The following NCKAP5 variants were observed in gnomAD, a reference collection of about 807,000 sequenced individuals.
NCKAP5 encodes the protein NCK associated protein 5.
A neutral mutation model predicts 167.0 loss-of-function variants in NCKAP5; 92 were observed. The ratio of observed to expected loss-of-function variants is 0.55; its 90% CI spans 0.47 to 0.66. The LOEUF is 0.66. NCKAP5 is among the 30% of genes least tolerant of loss of function. NCKAP5 has a pLI of 0.00. For missense variants in NCKAP5, 2,378 were observed against 2,315.0 expected, an observed-to-expected ratio of 1.03 and a Z score of -0.56; for synonymous variants, 891 against 877.4, an observed-to-expected ratio of 1.02 and a Z score of -0.27.
At chr2:132,775,331 A>T (rs1682456356) in intron 15 of NCKAP5, among the ~76,000 whole-genome samples, 1 of 152,212 alleles carries the variant, frequency 6.6e-6, no homozygotes, top group South Asian at 2.1e-4. Context: ...CAGTTTCAAT[A>T]TTAGAATGTA....
At chr2:132,678,114 G>T (rs1460902759) in intron 19 of NCKAP5, among the ~76,000 whole-genome samples, 1 of 152,066 alleles carries the variant, frequency 6.6e-6, no homozygotes, top group African/African-American at 2.4e-5. Context: ...CCATAATGAA[G>T]AGGTGGAAAA....
chr2:133,274,118 C>T (rs1217354072), intron 4 of NCKAP5, among the ~76,000 whole-genome samples: 1 of 151,534 alleles, frequency 6.6e-6, no homozygotes, highest in African/African-American at 2.4e-5. Context: ...TATTTATCAC[C>T]AATATTATCA....
intron 3 of NCKAP5, among the ~76,000 whole-genome samples, chr2:133,388,977 C>A (rs557135198): frequency 6.6e-6 from 1 of 152,212 alleles, no homozygotes; most frequent in Non-Finnish European, 1.5e-5. Flanking sequence ...TGACCCTTTG[C>A]GCTTCCCAGG....
intron 6 of NCKAP5, among the ~76,000 whole-genome samples, chr2:133,002,275 C>G (rs760013474): frequency 2.0e-5 from 3 of 152,128 alleles, no homozygotes; most frequent in South Asian, 4.1e-4. Context: ...CTACAAAGCT[C>G]TATGTATACT....
chr2:133,666,524 C>T, the NCKAP5 span, among the ~76,000 whole-genome samples: 15 of 151,890 alleles, frequency 9.9e-5, no homozygotes, highest in Non-Finnish European at 2.1e-4. Context: ...TGGCTGCACA[C>T]TATTCTATTC....
chr2:133,456,915 C>T (rs1202829542), intron 3 of NCKAP5, among the ~76,000 whole-genome samples: 1 of 152,152 alleles, frequency 6.6e-6, no homozygotes, highest in African/African-American at 2.4e-5. Flanking sequence ...TCAGGACTGT[C>T]GGACACGTCA....
chr2:132,860,024 C>T (rs1049778272), intron 11 of NCKAP5, among the ~76,000 whole-genome samples: 4 of 152,164 alleles, frequency 2.6e-5, no homozygotes, highest in Non-Finnish European at 4.4e-5. Context: ...AAACAGGAGA[C>T]GTTCTGTTAT....
chr2:133,163,211 T>C (rs1295516308), intron 5 of NCKAP5, among the ~76,000 whole-genome samples: 2 of 152,242 alleles, frequency 1.3e-5, no homozygotes, highest in East Asian at 3.8e-4. Context: ...GCATTTCTGT[T>C]GTTGTGTCTC....
chr2:133,096,479 C>T (rs1368675853), intron 6 of NCKAP5, among the ~76,000 whole-genome samples: 2 of 146,444 alleles, frequency 1.4e-5, no homozygotes, highest in African/African-American at 5.1e-5. Flanking sequence ...CAGAGTGAGA[C>T]TCTGTCTCAA....
At chr2:133,439,275 G>C (rs1038716392) in intron 3 of NCKAP5, among the ~76,000 whole-genome samples, 3 of 152,186 alleles carry the variant, frequency 2.0e-5, no homozygotes, top group African/African-American at 7.2e-5. Flanking sequence ...GAAATGGAAA[G>C]GGTGAGCCTA....
intron 6 of NCKAP5, among the ~76,000 whole-genome samples, chr2:133,022,648 C>T (rs1242409865): frequency 6.6e-6 from 1 of 152,194 alleles, no homozygotes; most frequent in African/African-American, 2.4e-5. Flanking sequence ...GAATCAATTA[C>T]TCCCCTGTAA....
At chr2:132,780,525 A>G (rs1046233292) in intron 15 of NCKAP5, among the ~76,000 whole-genome samples, 1 of 152,218 alleles carries the variant, frequency 6.6e-6, no homozygotes, top group African/African-American at 2.4e-5. Context: ...TAGGGAGCCA[A>G]GTTCCAAAAA....
intron 19 of NCKAP5, among the ~76,000 whole-genome samples, chr2:132,699,363 G>A (rs955356400): frequency 2.0e-5 from 3 of 151,990 alleles, no homozygotes; most frequent in Non-Finnish European, 4.4e-5. Flanking sequence ...AAGTTCTAGG[G>A]TACATGTGCA....
chr2:132,937,723 A>T (rs542638994), intron 8 of NCKAP5, among the ~76,000 whole-genome samples: 5 of 152,358 alleles, frequency 3.3e-5, no homozygotes, highest in African/African-American at 9.6e-5. Flanking sequence ...GCAAAAATCA[A>T]TATTGGTCTG....
rs144498754 is a variant in NCKAP5 at position 133,452,219 on chromosome 2, T to C, written c.69+65239A>G. Among the ~76,000 whole-genome samples, 525 of 152,280 alleles carry C rather than the reference T, an allele frequency of 3.4e-3. 6 individuals carry two copies. Among genetic ancestry groups the C allele is most frequent in the African/African-American group, 0.011 (464 of 41,556 alleles). On this transcript the variant is annotated intron_variant, in intron 3 of 19. Transcript: ENST00000409261. ...AGAGAAATGTTTCCCATGTCTGCAA[T>C]TGCAGAACACACTGAAGGGCATCCC...
At chr2:133,375,001 A>T (rs1339039157) in intron 3 of NCKAP5, among the ~76,000 whole-genome samples, 1 of 152,188 alleles carries the variant, frequency 6.6e-6, no homozygotes, top group Non-Finnish European at 1.5e-5. Context: ...CCAAGTTCAC[A>T]AACTCAGTCA....
At chr2:133,351,490 G>A (rs1684358797) in intron 3 of NCKAP5, among the ~76,000 whole-genome samples, 1 of 152,122 alleles carries the variant, frequency 6.6e-6, no homozygotes, top group Admixed American at 6.5e-5. Flanking sequence ...AGGGTTGAAT[G>A]AGAAAATGTA....
At chr2:133,611,061 C>G in the NCKAP5 span, among the ~76,000 whole-genome samples, 1 of 152,016 alleles carries the variant, frequency 6.6e-6, no homozygotes, top group Non-Finnish European at 1.5e-5. Flanking sequence ...ATGAGAGTGA[C>G]CTCCTACCCA....
intron 2 of NCKAP5, among the ~76,000 whole-genome samples, chr2:133,538,954 T>TTA (rs1242685428): frequency 7.0e-4 from 94 of 135,048 alleles, no homozygotes; most frequent in African/African-American, 2.4e-3. Context: ...TTTTTTTTTT[T>TTA]TTTTGAGACG....
Sources: allele counts gnomAD v4.1 joint callset (sites outside exome capture counted in the v4.1 genomes callset), GRCh38; gene constraint gnomAD v4.1.1; transcripts MANE v1.5; gene names NCBI Gene and HGNC (gene_info 2026-07-23, HGNC 2026-07-21).